WDR41: variants seen among roughly 807,000 people sequenced by gnomAD.
WDR41 encodes the protein WD repeat-containing protein 41.
Under a neutral mutation model 69.3 loss-of-function variants are expected in WDR41, and 63 were observed. The observed-to-expected ratio is 0.91, with a 90% CI of 0.74 to 1.12. The LOEUF (loss-of-function observed/expected upper bound fraction) is 1.12, where lower values mean the gene tolerates loss of function less well. Among genes scored for constraint, WDR41 ranks in the 50% most tolerant of loss-of-function variants. The probability of loss-of-function intolerance (pLI) is 0.00; values close to 1 mark genes in which losing one functional copy is unlikely to be tolerated. For missense variants in WDR41, 543 were observed against 534.5 expected, an observed-to-expected ratio of 1.02 and a Z score of -0.16; for synonymous variants, 185 against 192.1, an observed-to-expected ratio of 0.96 and a Z score of 0.31.
intron 7 of WDR41, 85 bp from the exon 8 acceptor site, chr5:77,449,955 T>C: frequency 1.1e-6 from 1 of 938,812 alleles, no homozygotes. Flanking sequence ...AGCATTTCAT[T>C]AAGTGAAAAA....
Position 77,558,094 on chromosome 5 carries a change from T to TAAA in WDR41, c.42+62382_42+62384dup, listed in dbSNP as rs71608105. On this transcript the variant is annotated intron_variant, in intron 1 of 5. Transcript: ENST00000509971. The stretch of plus-strand genomic sequence containing the variant: ...CATAGGGAACTTCAAATGTTCTTTT[T>TAAA]AAAAAAAAAAAAAAAAAAAAAACAA... Among the ~76,000 whole-genome samples the TAAA allele has an allele frequency of 9.9e-4, 103 of 104,238 alleles. 2 individuals carry two copies. The highest frequency in any genetic ancestry group is 2.0e-3 in the African/African-American group (55 of 27,806). The allele number at this position is 104,238 out of a possible 152,430, so 68.4% of individuals were successfully genotyped here.
At chr5:77,593,762 T>G (rs1744172075) in intron 1 of WDR41, among the ~76,000 whole-genome samples, 1 of 152,090 alleles carries the variant, frequency 6.6e-6, no homozygotes, top group African/African-American at 2.4e-5. Flanking sequence ...AGGCCTAGAA[T>G]ACAGATCTGA....
chr5:77,582,544 T>C (rs1743958238), intron 1 of WDR41: 12 of 1,599,210 alleles, frequency 7.5e-6, no homozygotes, highest in South Asian at 1.1e-5. Flanking sequence ...AGCAAAGCAC[T>C]ATCACAAGGA....
At chr5:77,582,652 A>T (rs1743960222) in intron 1 of WDR41, 2 of 1,601,854 alleles carry the variant, frequency 1.2e-6, no homozygotes, top group Non-Finnish European at 1.7e-6. Context: ...GGCGTTTGTC[A>T]TCAGAATCAG....
At chr5:77,467,208 A>G (rs150655778) in intron 2 of WDR41, among the ~76,000 whole-genome samples, 93 of 152,128 alleles carry the variant, frequency 6.1e-4, no homozygotes, top group African/African-American at 1.9e-3. Context: ...GAATAGTAAT[A>G]TTGCCAGATA....
At chr5:77,470,425 A>G (rs571021901) in intron 2 of WDR41, among the ~76,000 whole-genome samples, 8,118 of 152,198 alleles carry the variant, frequency 0.053, 351 homozygotes, top group Admixed American at 0.13. Context: ...TTCACACATA[A>G]CAATATTAAC....
intron 1 of WDR41, among the ~76,000 whole-genome samples, chr5:77,608,424 T>C (rs1418911128): frequency 6.6e-6 from 1 of 152,224 alleles, no homozygotes; most frequent in Non-Finnish European, 1.5e-5. Flanking sequence ...ACATTGGGCC[T>C]AATTCTGATT....
At chr5:77,549,565 G>A (rs1367428888) in intron 1 of WDR41, among the ~76,000 whole-genome samples, 3 of 152,118 alleles carry the variant, frequency 2.0e-5, no homozygotes, top group Non-Finnish European at 2.9e-5. Context: ...ATCTAGTTAA[G>A]GAGGTGAAAG....
At chr5:77,476,260 T>A (rs1248663468) in intron 2 of WDR41, among the ~76,000 whole-genome samples, 1 of 152,028 alleles carries the variant, frequency 6.6e-6, no homozygotes, top group Non-Finnish European at 1.5e-5. Flanking sequence ...CAGGATATTA[T>A]ACAGGAGAAC....
Position 77,464,334 on chromosome 5 carries a change from G to C in WDR41, c.216+427C>G, listed in dbSNP as rs141524877. ...GCTGTGTCACCCAGGCTGGAGTGCA[G>C]TGGCATGTTCTCGGCTCACTGCAAC... is the stretch of plus-strand genomic sequence containing the variant. On this transcript the variant is annotated intron_variant, in intron 3 of 12. Transcript: ENST00000296679. Among the ~76,000 whole-genome samples, 460 of 134,732 alleles carry C rather than the reference G, an allele frequency of 3.4e-3. 4 individuals carry two copies. Among genetic ancestry groups the C allele is most frequent in the African/African-American group, 0.013 (433 of 34,438 alleles). The allele number at this position is 134,732 out of a possible 152,430, so 88.4% of individuals were successfully genotyped here.
At chr5:77,503,619 A>C (rs1360765425) in intron 1 of WDR41, among the ~76,000 whole-genome samples, 2 of 152,092 alleles carry the variant, frequency 1.3e-5, no homozygotes, top group Non-Finnish European at 2.9e-5. Context: ...TGACCACATA[A>C]TTGGAAGTAA....
At chr5:77,495,407 A>T (rs535084166), upstream of WDR41, among the ~76,000 whole-genome samples, 4 of 152,146 alleles carry the variant, frequency 2.6e-5, no homozygotes, top group South Asian at 6.2e-4. Flanking sequence ...AAAAGAGAAA[A>T]TGCAAATAAC....
At chr5:77,491,182 G>A (rs1268540926) in intron 1 of WDR41, 1 of 409,446 alleles carries the variant, frequency 2.4e-6, no homozygotes, top group Non-Finnish European at 5.0e-6. Context: ...CGCCTTAAGT[G>A]ATGACATTAC....
At chr5:77,459,033 T>TA in intron 5 of WDR41, 29 bp downstream of exon 5, 1 of 1,509,414 alleles carries the variant, frequency 6.6e-7, no homozygotes, top group Non-Finnish European at 9.1e-7. Flanking sequence ...TAGATTGTCA[T>TA]AAAAACTCAT....
rs137995698 is a variant in WDR41, at chr5:77,563,349, A to AT, written c.42+57129_42+57130insA. On this transcript the variant is annotated intron_variant, in intron 1 of 5. Coordinates refer to the WDR41 transcript ENST00000509971. Reference sequence around the variant, plus strand: ...CACCAGCAAGACCACATGCTATACCAAATTCTCATCTAAGACCCCTCTACA... The same window carrying AT: ...CACCAGCAAGACCACATGCTATACCATAATTCTCATCTAAGACCCCTCTACA... Among the ~76,000 whole-genome samples, 871 of 152,214 alleles carry AT rather than the reference A, an allele frequency of 5.7e-3. 10 individuals carry two copies. The highest frequency in any genetic ancestry group is 0.02 in the African/African-American group (839 of 41,538).
At chr5:77,481,158 C>T (rs1480696256) in intron 2 of WDR41, among the ~76,000 whole-genome samples, 1 of 152,012 alleles carries the variant, frequency 6.6e-6, no homozygotes, top group Non-Finnish European at 1.5e-5. Flanking sequence ...TACAGGCACC[C>T]ACGACCACGC....
intron 1 of WDR41, among the ~76,000 whole-genome samples, chr5:77,538,980 G>T (rs1471734123): frequency 6.6e-6 from 1 of 152,164 alleles, no homozygotes; most frequent in Admixed American, 6.5e-5. Context: ...TCACAAATCT[G>T]CAGGCTGAGA....
chr5:77,605,714 T>C (rs2112330999), intron 1 of WDR41, among the ~76,000 whole-genome samples: 1 of 152,312 alleles, frequency 6.6e-6, no homozygotes, highest in South Asian at 2.1e-4. Context: ...GCCTAGTCTC[T>C]AGGGCCCTCG....
upstream of WDR41, chr5:77,492,714 G>A (rs1305192885): frequency 1.3e-5 from 2 of 156,632 alleles, no homozygotes; most frequent in Non-Finnish European, 2.8e-5. Flanking sequence ...TGCTGAAGAA[G>A]GTGTACCGCA....
Sources: gnomAD v4.1 joint callset for allele counts (sites outside exome capture counted in the v4.1 genomes callset) on GRCh38, gnomAD v4.1.1 for gene constraint, MANE v1.5 for transcripts, NCBI Gene and HGNC (gene_info 2026-07-23, HGNC 2026-07-21) for gene names.